Variants in DPP10 observed in about 807,000 individuals in gnomAD.
DPP10 encodes the protein inactive dipeptidyl peptidase 10.
A neutral mutation model predicts 120.9 loss-of-function variants in DPP10; 33 were observed. The ratio of observed to expected loss-of-function variants is 0.27; its 90% CI spans 0.21 to 0.37. The LOEUF is 0.37. Among genes scored for constraint, DPP10 ranks in the 10% least tolerant of loss-of-function variants. The pLI, the probability that DPP10 is intolerant of heterozygous loss-of-function variation, is 1.00. For missense variants in DPP10, 816 were observed against 942.8 expected (o/e 0.87, Z 1.76); for synonymous variants, 337 against 326.1 (o/e 1.03, Z -0.36).
chr2:115,109,830 A>G (rs1291216294), intron 1 of DPP10, among the ~76,000 whole-genome samples: 2 of 152,146 alleles, frequency 1.3e-5, no homozygotes, highest in Admixed American at 6.5e-5. Flanking sequence ...TAAACATCCT[A>G]CAATTAACAG....
intron 2 of DPP10, among the ~76,000 whole-genome samples, chr2:115,339,455 C>T (rs1291393734): frequency 6.6e-6 from 1 of 151,976 alleles, no homozygotes; most frequent in African/African-American, 2.4e-5. Context: ...CATATTTGGG[C>T]ATTTATCTTG....
intron 5 of DPP10, among the ~76,000 whole-genome samples, chr2:115,545,406 A>G (rs951160027): frequency 6.6e-6 from 1 of 152,176 alleles, no homozygotes; most frequent in Non-Finnish European, 1.5e-5. Flanking sequence ...TAGAAGAATT[A>G]CAGAACATTA....
At chr2:115,548,104 A>G (rs774007816) in intron 5 of DPP10, among the ~76,000 whole-genome samples, 3 of 152,196 alleles carry the variant, frequency 2.0e-5, no homozygotes, top group Non-Finnish European at 2.9e-5. Context: ...AGAATCTAGA[A>G]TTTAGAAAGC....
intron 1 of DPP10, among the ~76,000 whole-genome samples, chr2:114,682,044 C>T (rs1699061568): frequency 1.3e-5 from 2 of 152,074 alleles, no homozygotes; most frequent in Admixed American, 1.3e-4. Context: ...CCCATCCCTT[C>T]AATGGAAGTG....
intron 1 of DPP10, among the ~76,000 whole-genome samples, chr2:114,684,057 C>A (rs1380591395): frequency 2.0e-5 from 3 of 151,988 alleles, no homozygotes; most frequent in African/African-American, 7.2e-5. Flanking sequence ...ACTTTCTGAC[C>A]ACCCTGCTCA....
Position 115,309,249 on chromosome 2 carries a change from G to A in DPP10, c.71G>A (p.Ser24Asn). The change falls in exon 2 of 26, where the codon AGT (serine) becomes AAT (asparagine). Residue 24 changes from serine to asparagine, a missense_variant. Physicochemically the swap from Ser to Asn is conservative, Grantham distance 46. Coordinates refer to ENST00000410059, the MANE Select transcript of DPP10 (RefSeq NM_020868.6). ...TTTCTATCTCGGTAGGAACTGGGAA[G>A]TAACAGCCCTCCACAGAGAAACTGG... ...QPSKTIKELG[S>N]NSPPQRNWKG... The A allele has an allele frequency of 6.2e-7, 1 of 1,612,958 alleles. No homozygotes were observed. The highest frequency in any genetic ancestry group is 8.5e-7 in the Non-Finnish European group (1 of 1,179,356).
At chr2:114,590,102 A>G (rs545713489) in intron 1 of DPP10, among the ~76,000 whole-genome samples, 2 of 152,264 alleles carry the variant, frequency 1.3e-5, no homozygotes, top group South Asian at 2.1e-4. Context: ...ATATGTGCAT[A>G]TGTTTATTAT....
At chr2:114,969,481 C>G (rs1222011087) in intron 1 of DPP10, among the ~76,000 whole-genome samples, 1 of 152,142 alleles carries the variant, frequency 6.6e-6, no homozygotes, top group Non-Finnish European at 1.5e-5. Flanking sequence ...TTCACACACA[C>G]TCATACACAC....
chr2:114,540,266 G>T (rs1686851007), intron 1 of DPP10, among the ~76,000 whole-genome samples: 1 of 152,162 alleles, frequency 6.6e-6, no homozygotes, highest in Non-Finnish European at 1.5e-5. Flanking sequence ...GCAATTTGAT[G>T]GTTCGGAAGG....
At chr2:115,194,426 G>T (rs1386500817) in intron 1 of DPP10, among the ~76,000 whole-genome samples, 2 of 152,138 alleles carry the variant, frequency 1.3e-5, no homozygotes, top group Admixed American at 6.5e-5. Flanking sequence ...ATTTCTCCGT[G>T]TTAAGGATTT....
chr2:115,624,819 G>A (rs1329512613), intron 5 of DPP10, among the ~76,000 whole-genome samples: 1 of 152,088 alleles, frequency 6.6e-6, no homozygotes, highest in East Asian at 1.9e-4. Context: ...TTCTTAGTAT[G>A]TCACAGTTAC....
At chr2:115,125,996 C>T (rs563866226) in intron 1 of DPP10, among the ~76,000 whole-genome samples, 1 of 152,148 alleles carries the variant, frequency 6.6e-6, no homozygotes. Flanking sequence ...TCCAAAATGA[C>T]CAAATACATA....
intron 1 of DPP10, among the ~76,000 whole-genome samples, chr2:115,086,215 A>G (rs1240382834): frequency 6.6e-6 from 1 of 152,178 alleles, no homozygotes; most frequent in Non-Finnish European, 1.5e-5. Flanking sequence ...TGAATAGGAA[A>G]CATTTGTCAT....
intron 1 of DPP10, among the ~76,000 whole-genome samples, chr2:114,630,415 G>A (rs914045122): frequency 6.6e-6 from 1 of 152,170 alleles, no homozygotes. Context: ...GACAAGCAAA[G>A]TCTGATTTGG....
chr2:115,035,035 C>T (rs1428001000), intron 1 of DPP10, among the ~76,000 whole-genome samples: 1 of 152,214 alleles, frequency 6.6e-6, no homozygotes, highest in East Asian at 1.9e-4. Flanking sequence ...GCTACCCTGC[C>T]AGTCATGCCA....
intron 5 of DPP10, among the ~76,000 whole-genome samples, chr2:115,648,609 AC>A (rs2087481986): frequency 6.6e-6 from 1 of 151,344 alleles, no homozygotes; most frequent in South Asian, 2.1e-4. Context: ...GTACCCCGGA[AC>A]TTAAAAAAAA....
intron 1 of DPP10, among the ~76,000 whole-genome samples, chr2:114,734,216 C>G (rs1677201961): frequency 6.6e-6 from 1 of 152,044 alleles, no homozygotes; most frequent in Admixed American, 6.6e-5. Context: ...GTTTTCCTTC[C>G]TTCCTTCCCA....
chr2:114,913,164 T>C (rs1694506197), intron 1 of DPP10, among the ~76,000 whole-genome samples: 1 of 152,130 alleles, frequency 6.6e-6, no homozygotes, highest in African/African-American at 2.4e-5. Flanking sequence ...ATGGCAGACC[T>C]CTCCTAACAG....
intron 15 of DPP10, among the ~76,000 whole-genome samples, chr2:115,778,381 G>A (rs1007958790): frequency 6.6e-6 from 1 of 151,928 alleles, no homozygotes; most frequent in African/African-American, 2.4e-5. Context: ...AAGCAATATA[G>A]GGGAAAATAA....
Sources: gnomAD v4.1 joint callset for allele counts (sites outside exome capture counted in the v4.1 genomes callset) on GRCh38, gnomAD v4.1.1 for gene constraint, MANE v1.5 for transcripts, NCBI Gene and HGNC (gene_info 2026-07-23, HGNC 2026-07-21) for gene names.